Variants in TMEM18 observed in about 807,000 individuals in gnomAD.
TMEM18 encodes the protein transmembrane protein 18.
In TMEM18, 14 loss-of-function variants were observed where a neutral mutation model predicts 17.4. The ratio of observed to expected loss-of-function variants is 0.80; its 90% CI spans 0.53 to 1.25. TMEM18 has a LOEUF of 1.25. Ranked by LOEUF, TMEM18 falls within the 50% of genes most tolerant of loss-of-function variation. The probability of loss-of-function intolerance (pLI) is 0.00; values close to 1 mark genes in which losing one functional copy is unlikely to be tolerated. For synonymous variants in TMEM18, 86 were observed against 66.1 expected (o/e 1.30, Z -1.46); for missense variants, 187 against 172.1 (o/e 1.09, Z -0.48).
At chr2:674,206 A>G (rs1678935008) in intron 2 of TMEM18, among the ~76,000 whole-genome samples, 2 of 152,172 alleles carry the variant, frequency 1.3e-5, no homozygotes, top group South Asian at 4.1e-4. Context: ...CCCTTATCCT[A>G]GAAAACATCA....
intron 1 of TMEM18, chr2:676,385 C>A (rs1659213561): frequency 2.2e-6 from 3 of 1,373,712 alleles, no homozygotes. Context: ...GAAGACAAGC[C>A]CTGCCCTCCA....
At chr2:677,192 GGGCCTTCTT>G in intron 1 of TMEM18, 88 bp downstream of exon 1, 1 of 1,469,520 alleles carries the variant, frequency 6.8e-7, no homozygotes, top group Non-Finnish European at 9.2e-7. Context: ...CCCACGGCCG[GGGCCTTCTT>G]GGCCACAGGC....
chr2:676,024 A>G (rs1410304888), intron 1 of TMEM18: 2 of 1,309,328 alleles, frequency 1.5e-6, no homozygotes, highest in Non-Finnish European at 2.0e-6. Flanking sequence ...CAAGGAAATT[A>G]AGACGATTGC....
intron 1 of TMEM18, 99 bp downstream of exon 1, chr2:677,190 C>G: frequency 1.2e-5 from 17 of 1,462,072 alleles, no homozygotes; most frequent in Non-Finnish European, 1.6e-5. Context: ...CGCCCACGGC[C>G]GGGGCCTTCT....
At position 675,646 on chromosome 2, in the gene TMEM18, A is replaced by G. The variant is rs371776200; in HGVS notation, c.58-16T>C. On this transcript the variant is annotated splice_polypyrimidine_tract_variant and intron_variant, in intron 1 of 4. Transcript: ENST00000281017. ...AGTCCGTCTGCTGTAGGAACACACC[A>G]GCAGACACTCACTGTCCTGCCACTC... The G allele has an allele frequency of 6.2e-7, 1 of 1,612,698 alleles. No individual in the cohort carries two copies. The highest frequency in any genetic ancestry group is 8.5e-7 in the Non-Finnish European group (1 of 1,179,820).
Position 667,011 on chromosome 2 carries a change from G to GT in TMEM18, c.*2568_*2569insA, listed in dbSNP as rs942471364. Among the ~76,000 whole-genome samples, 21 of 77,312 alleles carry GT rather than the reference G, an allele frequency of 2.7e-4. No individual in the cohort carries two copies. Among genetic ancestry groups the GT allele is most frequent in the Admixed American group, 2.2e-3 (15 of 6,808 alleles). 50.7% of individuals were successfully genotyped at this position (77,312 alleles called of 152,430 possible). ...CTCCTTACCCTGAATTCCACCCCCA[G>GT]CCCTTTTTTTTTTTTTTTAACATTT... On this transcript the variant is annotated 3_prime_UTR_variant, in exon 5 of 5. Coordinates refer to ENST00000281017, the MANE Select transcript of TMEM18 (RefSeq NM_152834.4).
chr2:671,797 G>A (rs1678854900), intron 3 of TMEM18, among the ~76,000 whole-genome samples: 1 of 99,850 alleles, frequency 1.0e-5, no homozygotes, highest in Non-Finnish European at 2.0e-5. Context: ...ACTGAACCAT[G>A]TGAAGGCCCT....
In TMEM18 at chr2:668,013, TG is replaced by T. The variant is rs974115370; in HGVS notation, c.*1566del. The T allele has an allele frequency of 2.0e-5, 3 of 152,236 alleles. No homozygotes were observed. The highest frequency in any genetic ancestry group is 4.4e-5 in the Non-Finnish European group (3 of 68,040). 9.4% of individuals were successfully genotyped at this position (152,236 alleles called of 1,614,324 possible). The stretch of plus-strand genomic sequence containing the variant: ...GAAGTTTAATTGACTCAGTTCCACA[TG>T]GCCGGGGAGGCCTCGGGAAACTTAC... On this transcript the variant is annotated 3_prime_UTR_variant, in exon 5 of 5. Transcript: ENST00000281017.
rs1479924887 is a variant in TMEM18 at position 668,838 on chromosome 2, G to A, written c.*742C>T. ...AAGACACGCTTCTCCATGGAGTGTT[G>A]ACTTCAGGGCTTCCATTCTGTTTTC... On this transcript the variant is annotated 3_prime_UTR_variant, in exon 5 of 5. Coordinates refer to ENST00000281017, the MANE Select transcript of TMEM18 (RefSeq NM_152834.4). 6.6e-6 allele frequency: 1 copy of A among 152,256 alleles called. No homozygotes were observed. The highest frequency in any genetic ancestry group is 2.1e-4 in the South Asian group (1 of 4,830). 9.4% of individuals were successfully genotyped at this position (152,256 alleles called of 1,614,324 possible).
chr2:670,427 G>C (rs1168657499), intron 3 of TMEM18: 1 of 153,410 alleles, frequency 6.5e-6, no homozygotes, highest in African/African-American at 2.4e-5. Context: ...GCCAGGGAGG[G>C]CAGAGGATCT....
rs1264025954 is a variant in TMEM18, at chr2:676,698, G to C, written c.57+591C>G. 8 of 1,500,466 alleles carry C rather than the reference G, an allele frequency of 5.3e-6. No homozygotes were observed. The African/African-American group carries it at 5.5e-5, about 10-fold the overall frequency. The allele number at this position is 1,500,466 out of a possible 1,614,324, so 92.9% of individuals were successfully genotyped here. ...CCCCTGGGATCTGTCAGACGAACCC[G>C]GCACGGCGCACGCCCCGCCCACACT... On this transcript the variant is annotated intron_variant, in intron 1 of 4. Transcript: ENST00000281017.
Position 666,135 on chromosome 2 carries a change from T to C in TMEM18, c.*3445A>G, listed in dbSNP as rs1386002958. Among the ~76,000 whole-genome samples the C allele has an allele frequency of 6.6e-6, 1 of 152,168 alleles. No homozygotes were observed. The highest frequency in any genetic ancestry group is 1.9e-4 in the East Asian group (1 of 5,186). The stretch of plus-strand genomic sequence containing the variant: ...TCAACCCCATGCACAACAGGGCCCA[T>C]GGAGGCTGACATCCAGCTCGCTCAG... On this transcript the variant is annotated 3_prime_UTR_variant, in exon 5 of 5. Coordinates refer to ENST00000281017, the MANE Select transcript of TMEM18 (RefSeq NM_152834.4).
At chr2:676,138 C>G in intron 1 of TMEM18, 1 of 1,326,600 alleles carries the variant, frequency 7.5e-7, no homozygotes. Flanking sequence ...GCCATCGCCA[C>G]GTGCAAGACT....
At chr2:676,238 C>T (rs1197724251) in intron 1 of TMEM18, 2 of 1,412,908 alleles carry the variant, frequency 1.4e-6, no homozygotes, top group Non-Finnish European at 1.9e-6. Context: ...CCCTGCTGTA[C>T]CTGGGGACAG....
chr2:673,733 GGGA>G (rs1220079951), intron 2 of TMEM18, among the ~76,000 whole-genome samples: 27 of 149,074 alleles, frequency 1.8e-4, no homozygotes, highest in Middle Eastern at 3.4e-3. Context: ...GGGGAGGGGA[GGGA>G]GGAGGAGGAG....
At position 675,647 on chromosome 2, in the gene TMEM18, GCAGA is replaced by G; in HGVS notation, c.58-21_58-18del. Reference sequence around the variant, plus strand: ...GTCCGTCTGCTGTAGGAACACACCAGCAGACACTCACTGTCCTGCCACTCAAGGC... The same window carrying G: ...GTCCGTCTGCTGTAGGAACACACCAGCACTCACTGTCCTGCCACTCAAGGC... On this transcript the variant is annotated intron_variant, in intron 1 of 4. Transcript: ENST00000281017. 3 of 1,612,470 alleles carry G rather than the reference GCAGA, an allele frequency of 1.9e-6. No individual in the cohort carries two copies. Among genetic ancestry groups the G allele is most frequent in the Non-Finnish European group, 2.5e-6 (3 of 1,179,776 alleles).
At chr2:675,367 G>A (rs1678969183) in intron 2 of TMEM18, 143 bp downstream of exon 2, 6 of 1,212,876 alleles carry the variant, frequency 4.9e-6, no homozygotes, top group South Asian at 2.9e-5. Context: ...AGTGAAAAAC[G>A]GGAGTGCCCT....
At position 664,856 on chromosome 2, in the gene TMEM18, A is replaced by G. The variant is rs1678636839; in HGVS notation, c.*4724T>C. Among the ~76,000 whole-genome samples the G allele has an allele frequency of 6.6e-6, 1 of 152,214 alleles. No homozygotes were observed. The highest frequency in any genetic ancestry group is 6.5e-5 in the Admixed American group (1 of 15,282). ...ATTAGAAAAACTCTGCATCTCTAATATCAGTAACTGGTTACGTAAATTCAG... is the reference window on the plus strand; with the variant it reads ...ATTAGAAAAACTCTGCATCTCTAATGTCAGTAACTGGTTACGTAAATTCAG... On this transcript the variant is annotated 3_prime_UTR_variant, in exon 5 of 5. Transcript: ENST00000281017.
rs763058357 is a variant in TMEM18 at position 669,611 on chromosome 2, T to C, written c.392A>G (p.Lys131Arg). ...TTCTTTCCTTCTCCTTTTCTTTTCC[T>C]TTCTTCTCTCTTGTGCATTCTTCAG... The part of the protein sequence containing the change: ...TDLKNAQERR[K>R]EKKRRRKED Residue 131 changes from lysine (K) to arginine (R), a missense_variant, in exon 5 of 5, where the codon AAG (lysine) becomes AGG (arginine). Transcript: ENST00000281017. 6.2e-7 allele frequency: 1 copy of C among 1,614,258 alleles called. No individual in the cohort carries two copies. The highest frequency in any genetic ancestry group is 1.7e-5 in the Admixed American group (1 of 60,036).
Sources: allele counts gnomAD v4.1 joint callset (sites outside exome capture counted in the v4.1 genomes callset), GRCh38; gene constraint gnomAD v4.1.1; transcripts MANE v1.5; gene names NCBI Gene and HGNC (gene_info 2026-07-23, HGNC 2026-07-21).